The following GRID2 variants were observed in gnomAD, a reference collection of about 807,000 sequenced individuals.
GRID2 encodes glutamate ionotropic receptor delta type subunit 2.
A neutral mutation model predicts 114.8 loss-of-function variants in GRID2; 33 were observed. The ratio of observed to expected loss-of-function variants is 0.29; its 90% CI spans 0.22 to 0.38. The LOEUF (loss-of-function observed/expected upper bound fraction) is 0.38, where lower values mean the gene tolerates loss of function less well. Ranked by LOEUF, GRID2 falls within the 10% of genes least tolerant of loss-of-function variation. GRID2 has a pLI of 1.00. For synonymous variants in GRID2, 505 were observed against 449.9 expected, an observed-to-expected ratio of 1.12 and a Z score of -1.55; for missense variants, 1,184 against 1,257.7, an observed-to-expected ratio of 0.94 and a Z score of 0.89.
At chr4:93,320,386 T>G (rs1757089199) in intron 8 of GRID2, among the ~76,000 whole-genome samples, 1 of 152,168 alleles carries the variant, frequency 6.6e-6, no homozygotes, top group Non-Finnish European at 1.5e-5. Flanking sequence ...TAAGTGATTC[T>G]CAACACTTTG....
intron 2 of GRID2, among the ~76,000 whole-genome samples, chr4:92,960,403 T>C (rs1035336443): frequency 4.2e-4 from 64 of 152,016 alleles, no homozygotes; most frequent in Admixed American, 4.1e-3. Flanking sequence ...ATTTCTTCTT[T>C]CAGTTATATT....
chr4:92,534,057 T>A (rs1465123223), intron 1 of GRID2, among the ~76,000 whole-genome samples: 1 of 152,144 alleles, frequency 6.6e-6, no homozygotes, highest in African/African-American at 2.4e-5. Context: ...GTTGTGTGGA[T>A]GTATCCTTTC....
intron 4 of GRID2, among the ~76,000 whole-genome samples, chr4:93,121,354 C>T (rs1426305151): frequency 6.6e-6 from 1 of 152,154 alleles, no homozygotes; most frequent in Non-Finnish European, 1.5e-5. Flanking sequence ...CAAAGGTATC[C>T]TGACTTTTAA....
At chr4:93,028,360 T>C (rs901889497) in intron 2 of GRID2, among the ~76,000 whole-genome samples, 2 of 151,968 alleles carry the variant, frequency 1.3e-5, no homozygotes, top group African/African-American at 4.8e-5. Context: ...ACCAAGACAG[T>C]AGGGTGCTAG....
chr4:93,224,307 G>C (rs1026439799), intron 6 of GRID2, among the ~76,000 whole-genome samples: 4 of 152,118 alleles, frequency 2.6e-5, no homozygotes, highest in African/African-American at 9.7e-5. Context: ...AGAGAAATAA[G>C]GGCCAATGAT....
chr4:93,626,536 TA>T (rs1742750698), intron 14 of GRID2, 101 bp downstream of exon 14: 1 of 728,210 alleles, frequency 1.4e-6, no homozygotes, highest in Non-Finnish European at 2.3e-6. Flanking sequence ...TTTCCTTTGT[TA>T]GGAGAAGCAC....
At chr4:92,881,751 T>C (rs1270037683) in intron 2 of GRID2, among the ~76,000 whole-genome samples, 2 of 152,160 alleles carry the variant, frequency 1.3e-5, no homozygotes, top group Non-Finnish European at 2.9e-5. Context: ...GAGAAAAATA[T>C]TGTCTTTCAA....
intron 8 of GRID2, among the ~76,000 whole-genome samples, chr4:93,259,708 G>A (rs1283636971): frequency 6.6e-6 from 1 of 151,716 alleles, no homozygotes; most frequent in African/African-American, 2.4e-5. Flanking sequence ...TACATGTAAA[G>A]TTCAAAAACT....
At chr4:93,161,657 G>T (rs1191601810) in intron 4 of GRID2, among the ~76,000 whole-genome samples, 3 of 151,050 alleles carry the variant, frequency 2.0e-5, no homozygotes, top group South Asian at 4.2e-4. Context: ...AGATTTTCAG[G>T]GTAAAAAAAA....
At chr4:92,647,285 TG>T in intron 2 of GRID2, among the ~76,000 whole-genome samples, 1 of 152,264 alleles carries the variant, frequency 6.6e-6, no homozygotes, top group South Asian at 2.1e-4. Flanking sequence ...ATTATATAAT[TG>T]CTTTACTATT....
chr4:93,303,868 T>C (rs764736621), intron 8 of GRID2, among the ~76,000 whole-genome samples: 2 of 152,158 alleles, frequency 1.3e-5, no homozygotes, highest in Non-Finnish European at 2.9e-5. Flanking sequence ...CTATGACAAT[T>C]GAAATGGTAT....
intron 1 of GRID2, among the ~76,000 whole-genome samples, chr4:92,458,007 G>T (rs1721300423): frequency 6.6e-6 from 1 of 152,138 alleles, no homozygotes; most frequent in Non-Finnish European, 1.5e-5. Context: ...GACATAAAGG[G>T]AAGTGATTAA....
chr4:92,547,160 A>G (rs751081958), intron 1 of GRID2, among the ~76,000 whole-genome samples: 3 of 152,192 alleles, frequency 2.0e-5, no homozygotes, highest in Admixed American at 6.5e-5. Context: ...TTAGTTAACA[A>G]TGTTTCTAAT....
intron 8 of GRID2, among the ~76,000 whole-genome samples, chr4:93,306,947 C>G (rs1375205594): frequency 1.3e-5 from 2 of 151,998 alleles, no homozygotes; most frequent in East Asian, 3.9e-4. Context: ...CCTGTAATCC[C>G]AACACTTTGG....
intron 2 of GRID2, among the ~76,000 whole-genome samples, chr4:92,775,882 G>A (rs2149355178): frequency 6.6e-6 from 1 of 152,156 alleles, no homozygotes; most frequent in Admixed American, 6.5e-5. Context: ...CAACAAAAAT[G>A]AGATTCATTT....
At chr4:92,321,577 T>TTAA (rs1726318263) in intron 1 of GRID2, among the ~76,000 whole-genome samples, 1 of 152,178 alleles carries the variant, frequency 6.6e-6, no homozygotes, top group African/African-American at 2.4e-5. Context: ...TTTTTTGCTC[T>TTAA]TAATAAGTCG....
chr4:92,487,056 ATTCTCT>A (rs1235231704), intron 1 of GRID2, among the ~76,000 whole-genome samples: 2 of 151,764 alleles, frequency 1.3e-5, no homozygotes, highest in African/African-American at 4.8e-5. Flanking sequence ...TGATTTGTAC[ATTCTCT>A]TTTTTGTTAT....
intron 13 of GRID2, among the ~76,000 whole-genome samples, chr4:93,560,788 A>G (rs961991421): frequency 2.0e-5 from 3 of 152,088 alleles, no homozygotes; most frequent in Non-Finnish European, 4.4e-5. Flanking sequence ...TAGCCTACCT[A>G]TATATTTTAT....
chr4:93,312,519 T>C (rs1286476071), intron 8 of GRID2, among the ~76,000 whole-genome samples: 1 of 152,166 alleles, frequency 6.6e-6, no homozygotes, highest in Non-Finnish European at 1.5e-5. Flanking sequence ...AAACATCAAT[T>C]GTTTGATTAA....
Sources: allele counts gnomAD v4.1 joint callset (sites outside exome capture counted in the v4.1 genomes callset), GRCh38; gene constraint gnomAD v4.1.1; transcripts MANE v1.5; gene names NCBI Gene and HGNC (gene_info 2026-07-23, HGNC 2026-07-21).